The following CCDC122 variants were observed in gnomAD, a reference collection of about 807,000 sequenced individuals.
CCDC122 encodes the protein coiled-coil domain-containing protein 122.
Under a neutral mutation model 37.0 loss-of-function variants are expected in CCDC122, and 38 were observed. The ratio of observed to expected loss-of-function variants is 1.03; its 90% confidence interval spans 0.79 to 1.35. The LOEUF is 1.35. Among genes scored for constraint, CCDC122 ranks in the 40% most tolerant of loss-of-function variants. The pLI is 0.00. For missense variants in CCDC122, 305 were observed against 310.0 expected, an observed-to-expected ratio of 0.98 and a Z score of 0.12; for synonymous variants, 83 against 95.6, an observed-to-expected ratio of 0.87 and a Z score of 0.77.
At chr13:43,847,097 G>A (rs1386737804) in intron 6 of CCDC122, among the ~76,000 whole-genome samples, 1 of 152,138 alleles carries the variant, frequency 6.6e-6, no homozygotes, top group Non-Finnish European at 1.5e-5. Flanking sequence ...TTGTAGCATG[G>A]CTAAATAAAT....
At position 43,847,797 on chromosome 13, in the gene CCDC122, C is replaced by G. The variant is rs77055607; in HGVS notation, c.673-10368G>C. On this transcript the variant is annotated intron_variant, in intron 6 of 6. Transcript: ENST00000444614. ...GGTTTTTCTTTTCCCTTTGTTGAGA[C>G]AGGGTCTTGCTCTGTTGCCTAGGCT... Among the ~76,000 whole-genome samples the G allele has an allele frequency of 9.1e-4, 138 of 152,080 alleles. No homozygotes were observed. The East Asian group carries it at 0.026, about 29-fold the overall frequency.
In CCDC122 at chr13:43,868,220, T is replaced by G. The variant is rs148137204; in HGVS notation, c.156+474A>C. Among the ~76,000 whole-genome samples the G allele has an allele frequency of 6.8e-4, 103 of 152,226 alleles. No homozygotes were observed. In the Middle Eastern group the frequency reaches 0.017, roughly 25 times the overall value. On this transcript the variant is annotated intron_variant, in intron 4 of 6. Coordinates refer to ENST00000444614, the MANE Select transcript of CCDC122 (RefSeq NM_144974.5). Reference sequence around the variant, plus strand: ...GTCATATTCACATAGTATAGTTATATCTAATTACGTTGCATGCGAAGACCA... The same window carrying G: ...GTCATATTCACATAGTATAGTTATAGCTAATTACGTTGCATGCGAAGACCA...
intron 5 of CCDC122, 90 bp downstream of exon 5, chr13:43,859,582 A>AT: frequency 9.4e-7 from 1 of 1,059,694 alleles, no homozygotes; most frequent in Non-Finnish European, 1.3e-6. Flanking sequence ...TGGGCATTTT[A>AT]TTAACTTCAC....
At chr13:43,828,980 C>T (rs888949904) in intron 3 of CCDC122, among the ~76,000 whole-genome samples, 2 of 152,036 alleles carry the variant, frequency 1.3e-5, no homozygotes, top group Admixed American at 1.3e-4. Flanking sequence ...TTGACTTTAG[C>T]CTAAGCTAAA....
At chr13:43,867,376 G>A (rs1219168019) in intron 4 of CCDC122, among the ~76,000 whole-genome samples, 1 of 152,060 alleles carries the variant, frequency 6.6e-6, no homozygotes, top group Non-Finnish European at 1.5e-5. Context: ...AATGTCCTCT[G>A]TGAATATCCT....
chr13:43,850,406 A>G lies in CCDC122; in HGVS notation c.672+8375T>C, dbSNP rs145292184. On this transcript the variant is annotated intron_variant, in intron 6 of 6. Transcript: ENST00000444614. Reference sequence around the variant, plus strand: ...GCATTTTAAAGCCTCTGTCATAAAAATGCTTCAATAAACAATTACAAACAT... The same window carrying G: ...GCATTTTAAAGCCTCTGTCATAAAAGTGCTTCAATAAACAATTACAAACAT... Among the ~76,000 whole-genome samples the G allele has an allele frequency of 2.2e-3, 338 of 152,366 alleles. 2 individuals are homozygous for G. Among genetic ancestry groups the G allele is most frequent in the Non-Finnish European group, 4.2e-3 (289 of 68,036 alleles).
chr13:43,868,181 TTTTCA>T (rs536436428), intron 4 of CCDC122, among the ~76,000 whole-genome samples: 23 of 152,156 alleles, frequency 1.5e-4, no homozygotes, highest in Admixed American at 5.2e-4. Flanking sequence ...ACTGTTTTCA[TTTTCA>T]TTTCTTTAGT....
At chr13:43,850,282 T>C (rs188092318) in intron 6 of CCDC122, among the ~76,000 whole-genome samples, 1 of 152,124 alleles carries the variant, frequency 6.6e-6, no homozygotes, top group Non-Finnish European at 1.5e-5. Context: ...CAATAAAAAA[T>C]GGCTCATAAC....
chr13:43,851,796 A>G (rs1310131845), intron 6 of CCDC122, among the ~76,000 whole-genome samples: 2 of 152,144 alleles, frequency 1.3e-5, no homozygotes, highest in Non-Finnish European at 2.9e-5. Context: ...CCAGAGAACA[A>G]AACTGGGGCC....
intron 4 of CCDC122, among the ~76,000 whole-genome samples, chr13:43,864,851 CAAA>C (rs982638894): frequency 1.3e-5 from 2 of 152,108 alleles, no homozygotes; most frequent in African/African-American, 4.8e-5. Context: ...GGCTGGCTGT[CAAA>C]AAGCCCAAGC....
chr13:43,873,213 A>G (rs1954502041), intron 2 of CCDC122, among the ~76,000 whole-genome samples: 1 of 152,022 alleles, frequency 6.6e-6, no homozygotes, highest in African/African-American at 2.4e-5. Flanking sequence ...ATGGCTTTAA[A>G]ATCCACCTAT....
intron 4 of CCDC122, among the ~76,000 whole-genome samples, chr13:43,863,394 T>C (rs946609357): frequency 6.6e-6 from 1 of 152,232 alleles, no homozygotes; most frequent in African/African-American, 2.4e-5. Flanking sequence ...TGTATGGATA[T>C]ACCATATTAG....
intron 6 of CCDC122, chr13:43,855,824 G>A (rs1038366520): frequency 2.6e-5 from 4 of 152,100 alleles, no homozygotes; most frequent in African/African-American, 9.7e-5. Flanking sequence ...CTTAAAAACA[G>A]AATCCCATTC....
rs186334505 is a variant in CCDC122, at chr13:43,842,880, A to G, written c.673-5451T>C. On this transcript the variant is annotated intron_variant, in intron 6 of 6. Coordinates refer to ENST00000444614, the MANE Select transcript of CCDC122 (RefSeq NM_144974.5). ...TTTTTGTATTTTGACCTTTTATCCT[A>G]TGAGCTTTCTAAATTCACTTACTGG... Among the ~76,000 whole-genome samples, 603 of 152,124 alleles carry G rather than the reference A, an allele frequency of 4.0e-3. 3 individuals are homozygous for G. The highest frequency in any genetic ancestry group is 0.014 in the African/African-American group (577 of 41,540).
At chr13:43,825,153 G>C (rs1325042616) in intron 3 of CCDC122, among the ~76,000 whole-genome samples, 1 of 152,108 alleles carries the variant, frequency 6.6e-6, no homozygotes, top group Non-Finnish European at 1.5e-5. Context: ...AATCAACCTA[G>C]GTACCTATAA....
chr13:43,853,474 C>T (rs894290323), intron 6 of CCDC122, among the ~76,000 whole-genome samples: 4 of 152,158 alleles, frequency 2.6e-5, no homozygotes, highest in African/African-American at 7.2e-5. Context: ...AACACAGGAG[C>T]ACCCAGATTC....
At chr13:43,832,900 T>G (rs561380589), downstream of CCDC122, among the ~76,000 whole-genome samples, 2 of 152,302 alleles carry the variant, frequency 1.3e-5, no homozygotes, top group South Asian at 4.1e-4. Flanking sequence ...AATGAAATCA[T>G]GTATACAAAT....
chr13:43,826,761 A>C (rs1387963375), intron 3 of CCDC122, among the ~76,000 whole-genome samples: 1 of 152,208 alleles, frequency 6.6e-6, no homozygotes, highest in Non-Finnish European at 1.5e-5. Flanking sequence ...TAGACACAGA[A>C]AGCTGGTTTT....
At chr13:43,871,445 A>C (rs1020619098) in intron 2 of CCDC122, among the ~76,000 whole-genome samples, 2 of 152,028 alleles carry the variant, frequency 1.3e-5, no homozygotes, top group African/African-American at 4.8e-5. Context: ...TGCAATTTCC[A>C]TAAGCTGCCT....
Sources: gnomAD v4.1 joint callset for allele counts (sites outside exome capture counted in the v4.1 genomes callset) on GRCh38, gnomAD v4.1.1 for gene constraint, MANE v1.5 for transcripts, NCBI Gene and HGNC (gene_info 2026-07-23, HGNC 2026-07-21) for gene names.